The following NCOR2 variants were observed in gnomAD, a reference collection of about 807,000 sequenced individuals.
NCOR2 encodes nuclear receptor corepressor 2, also known as CTG repeat protein 26.
A neutral mutation model predicts 262.9 loss-of-function variants in NCOR2; 81 were observed. The observed-to-expected ratio is 0.31, with a 90% confidence interval of 0.26 to 0.37. The LOEUF (loss-of-function observed/expected upper bound fraction) is 0.37, where lower values mean the gene tolerates loss of function less well. Ranked by LOEUF, NCOR2 falls within the 10% of genes least tolerant of loss-of-function variation. NCOR2 has a pLI of 1.00. For synonymous variants in NCOR2, 1,659 were observed against 1,559.3 expected (o/e 1.06, Z -1.51); for missense variants, 3,385 against 3,621.4 (o/e 0.93, Z 1.68).
exon 36 of NCOR2, chr12:124,340,377 C>G (rs778339008): frequency 1.2e-6 from 2 of 1,612,948 alleles, no homozygotes; most frequent in African/African-American, 2.7e-5. Flanking sequence ...GTCCCGCTCT[C>G]GATCCCGGTC....
intron 6 of NCOR2, 132 bp downstream of exon 8, chr12:124,456,974 C>T: frequency 1.3e-6 from 1 of 773,260 alleles, no homozygotes; most frequent in Non-Finnish European, 1.8e-6. Flanking sequence ...TTCCTGCTTC[C>T]TCCGCGGACG....
intron 5 of NCOR2, among the ~76,000 whole-genome samples, chr12:124,460,734 A>T (rs2046120022): frequency 6.6e-6 from 1 of 152,282 alleles, no homozygotes; most frequent in Admixed American, 6.5e-5. Flanking sequence ...CTTGGATAGG[A>T]GGTCACCAAT....
At chr12:124,352,740 G>A (rs776357619) in intron 27 of NCOR2, among the ~76,000 whole-genome samples, 11 of 152,178 alleles carry the variant, frequency 7.2e-5, no homozygotes, top group Non-Finnish European at 1.6e-4. Context: ...AAATCCAGCC[G>A]GTGGCCCCTG....
chr12:124,450,772 G>A (rs1464483980), intron 6 of NCOR2, among the ~76,000 whole-genome samples: 1 of 152,186 alleles, frequency 6.6e-6, no homozygotes, highest in African/African-American at 2.4e-5. Context: ...AGCAACCAAG[G>A]GCACAGCCTA....
intron 40 of NCOR2, 65 bp downstream of exon 42, chr12:124,335,070 C>T (rs2035764234): frequency 6.2e-7 from 1 of 1,609,838 alleles, no homozygotes. Context: ...GTTCCCCATC[C>T]CCTCTCCAGG....
Position 124,356,599 on chromosome 12 carries a change from G to A in NCOR2, c.3241+43C>T. ...AGTGCAAACAGTGCAAACAGCGATT[G>A]TGCACTGGCTGAAGAAGCCCAAGCT... On this transcript the variant is annotated intron_variant, in intron 23 of 46. Coordinates refer to ENST00000405201, the Ensembl canonical transcript of NCOR2. The A allele has an allele frequency of 5.0e-6, 7 of 1,402,450 alleles. No individual in the cohort carries two copies. In the South Asian group the frequency reaches 9.1e-5, roughly 18 times the overall value. The allele number at this position is 1,402,450 out of a possible 1,614,324, so 86.9% of individuals were successfully genotyped here.
At chr12:124,434,890 T>C (rs906990264) in intron 8 of NCOR2, among the ~76,000 whole-genome samples, 5 of 152,226 alleles carry the variant, frequency 3.3e-5, no homozygotes, top group African/African-American at 1.2e-4. Flanking sequence ...GGTGGGTATA[T>C]AGATGTGCCT....
chr12:124,512,850 G>A (rs550214524), intron 1 of NCOR2, among the ~76,000 whole-genome samples: 80 of 152,300 alleles, frequency 5.3e-4, no homozygotes, highest in Middle Eastern at 3.4e-3. Context: ...TCACGCCCAC[G>A]CCTCTCGGCC....
Position 124,495,002 on chromosome 12 carries a change from G to A in NCOR2, c.105+145C>T. The A allele has an allele frequency of 2.1e-6, 2 of 937,364 alleles. No individual in the cohort carries two copies. Among genetic ancestry groups the A allele is most frequent in the South Asian group, 3.5e-5 (2 of 57,212 alleles). The allele number at this position is 937,364 out of a possible 1,614,324, so 58.1% of individuals were successfully genotyped here. On this transcript the variant is annotated intron_variant, in intron 1 of 46. Transcript: ENST00000405201. This position sits in a 1 kb window ranked among gnomAD's most constrained non-coding sequence, Gnocchi z 4.4. ...CTGGAAAAGGCTTCAGACACCAGGG[G>A]TCTCTGTGGCGGCCTCCCCTCTGCC...
intron 1 of NCOR2, among the ~76,000 whole-genome samples, chr12:124,524,871 C>CCCT (rs1444723874): frequency 2.0e-5 from 3 of 152,222 alleles, no homozygotes; most frequent in Admixed American, 6.5e-5. Context: ...CTGACACTCC[C>CCCT]CCTCTGGATA....
chr12:124,372,197 T>C, exon 20 of NCOR2: 1 of 1,601,868 alleles, frequency 6.2e-7, no homozygotes, highest in African/African-American at 1.3e-5. Flanking sequence ...TCCGCGTCCT[T>C]GCCCTTGGCC....
chr12:124,428,043 CAGTG>C (rs1222164792), intron 10 of NCOR2, among the ~76,000 whole-genome samples: 1 of 40,962 alleles, frequency 2.4e-5, no homozygotes. Context: ...CCCATGTGGC[CAGTG>C]TGTGTGTGTG....
chr12:124,524,446 C>T (rs1488594233), intron 1 of NCOR2, among the ~76,000 whole-genome samples: 2 of 152,222 alleles, frequency 1.3e-5, no homozygotes, highest in Non-Finnish European at 2.9e-5. Context: ...AGGAGTGTCC[C>T]TCCTGGGATG....
chr12:124,519,485 T>C (rs1398188704), intron 1 of NCOR2, among the ~76,000 whole-genome samples: 1 of 151,994 alleles, frequency 6.6e-6, no homozygotes, highest in East Asian at 1.9e-4. Flanking sequence ...GCATGGCAGA[T>C]GTGAAGGTCT....
chr12:124,486,537 G>A (rs1266832580), exon 2 of NCOR2: 10 of 1,592,698 alleles, frequency 6.3e-6, no homozygotes, highest in South Asian at 3.4e-5. Flanking sequence ...ATAGTCGCGG[G>A]AGTGGTGCTG....
intron 6 of NCOR2, among the ~76,000 whole-genome samples, chr12:124,452,852 G>A (rs1029784543): frequency 8.5e-5 from 13 of 152,232 alleles, no homozygotes; most frequent in African/African-American, 3.1e-4. Context: ...CCATCGGTGA[G>A]GGGCCCACAA....
rs61241227 is a variant in NCOR2 at position 124,344,928 on chromosome 12, G to A, written c.4383C>T (p.Thr1461=). 7.1e-4 allele frequency: 1,104 copies of A among 1,559,424 alleles called. 8 individuals carry two copies. In the African/African-American group the frequency reaches 0.012, roughly 18 times the overall value. Residue 1461 remains threonine (T), a synonymous_variant, in exon 32 of 47, where the codon ACC becomes ACT. Transcript: ENST00000405201. ...TTTTGGAGCCAGTGGTGGACGCGCC[G>A]GTGTCGTACTTGAGCGGGGTGCCCT...
chr12:124,374,514 G>C (rs941914577), intron 18 of NCOR2, 51 bp from the exon 21 acceptor site: 2 of 1,574,188 alleles, frequency 1.3e-6, no homozygotes, highest in African/African-American at 2.7e-5. Flanking sequence ...CAAGTAGTGG[G>C]AGGGGAGGGA....
At chr12:124,527,806 T>C (rs1314004067) in intron 1 of NCOR2, among the ~76,000 whole-genome samples, 1 of 152,134 alleles carries the variant, frequency 6.6e-6, no homozygotes, top group Non-Finnish European at 1.5e-5. Context: ...TGCCATGGGG[T>C]GCTCCCACTT....
Sources: gnomAD v4.1 joint callset for allele counts (sites outside exome capture counted in the v4.1 genomes callset) on GRCh38, gnomAD v4.1.1 for gene constraint, Gnocchi (gnomAD v3.1) non-coding constraint, MANE v1.5 for transcripts, NCBI Gene and HGNC (gene_info 2026-07-23, HGNC 2026-07-21) for gene names.